PTPRD: variants seen among roughly 807,000 people sequenced by gnomAD.
PTPRD encodes the protein protein tyrosine phosphatase receptor type D, also known as receptor-type tyrosine-protein phosphatase delta.
Under a neutral mutation model 214.5 loss-of-function variants are expected in PTPRD, and 34 were observed. The ratio of observed to expected loss-of-function variants is 0.16; its 90% CI spans 0.12 to 0.21. The LOEUF (loss-of-function observed/expected upper bound fraction) is 0.21, where lower values mean the gene tolerates loss of function less well. Ranked by LOEUF, PTPRD falls within the 10% of genes least tolerant of loss-of-function variation. PTPRD has a pLI of 1.00. For missense variants in PTPRD, 2,545 were observed against 2,398.7 expected, an observed-to-expected ratio of 1.06 and a Z score of -1.27; for synonymous variants, 1,128 against 845.7, an observed-to-expected ratio of 1.33 and a Z score of -5.79.
At chr9:10,049,800 A>C (rs1041051842) in intron 3 of PTPRD, among the ~76,000 whole-genome samples, 11 of 152,146 alleles carry the variant, frequency 7.2e-5, no homozygotes, top group African/African-American at 2.4e-4. Context: ...GATGAGTAGA[A>C]ATGCTTGTAG....
chr9:9,335,983 A>T (rs1440043370), intron 9 of PTPRD, among the ~76,000 whole-genome samples: 6 of 152,134 alleles, frequency 3.9e-5, no homozygotes, highest in Admixed American at 3.9e-4. Context: ...AAAAAGAAAG[A>T]AAGAAATCTA....
At chr9:8,533,895 A>G (rs1564131688) in intron 14 of PTPRD, among the ~76,000 whole-genome samples, 1 of 151,994 alleles carries the variant, frequency 6.6e-6, no homozygotes, top group Non-Finnish European at 1.5e-5. Context: ...CCATTCCTCA[A>G]TGCCACTCAC....
intron 9 of PTPRD, among the ~76,000 whole-genome samples, chr9:9,380,680 G>C (rs1015825487): frequency 2.0e-5 from 3 of 152,116 alleles, no homozygotes; most frequent in Admixed American, 6.6e-5. Context: ...AGTGTCTATA[G>C]ATGCCAATTA....
intron 2 of PTPRD, among the ~76,000 whole-genome samples, chr9:10,413,368 T>C (rs1205090998): frequency 1.3e-5 from 2 of 151,722 alleles, no homozygotes; most frequent in East Asian, 2.0e-4. Flanking sequence ...AATTGCCATG[T>C]AAATAACAAA....
intron 2 of PTPRD, among the ~76,000 whole-genome samples, chr9:10,456,096 C>T (rs2098915041): frequency 6.6e-6 from 1 of 151,776 alleles, no homozygotes; most frequent in African/African-American, 2.4e-5. Flanking sequence ...AGATGAAATA[C>T]ACAGATAGTT....
At chr9:8,451,519 A>C (rs2133609431) in intron 33 of PTPRD, among the ~76,000 whole-genome samples, 1 of 152,324 alleles carries the variant, frequency 6.6e-6, no homozygotes, top group South Asian at 2.1e-4. Context: ...AAAGGAGGAC[A>C]TGATGGCCAG....
At chr9:9,322,104 A>G (rs1205860056) in intron 9 of PTPRD, among the ~76,000 whole-genome samples, 2 of 152,226 alleles carry the variant, frequency 1.3e-5, no homozygotes, top group African/African-American at 4.8e-5. Flanking sequence ...CTCTAAGTGT[A>G]CAGGCAAAAC....
chr9:9,326,595 T>C (rs951938645), intron 9 of PTPRD, among the ~76,000 whole-genome samples: 4 of 151,560 alleles, frequency 2.6e-5, no homozygotes, highest in African/African-American at 9.7e-5. Context: ...GAATATAAAT[T>C]ACCATAAAAC....
chr9:8,467,923 T>C (rs1268008820), intron 31 of PTPRD, among the ~76,000 whole-genome samples: 1 of 151,994 alleles, frequency 6.6e-6, no homozygotes, highest in Non-Finnish European at 1.5e-5. Context: ...GAACAGTTTT[T>C]GAAGCTGGGT....
intron 9 of PTPRD, among the ~76,000 whole-genome samples, chr9:9,382,512 C>G (rs1223954654): frequency 2.0e-5 from 3 of 151,986 alleles, no homozygotes; most frequent in Non-Finnish European, 4.4e-5. Flanking sequence ...AGAAACTGGG[C>G]AAAGGGCTTG....
chr9:9,918,036 T>C (rs1602078366), intron 5 of PTPRD, among the ~76,000 whole-genome samples: 1 of 152,028 alleles, frequency 6.6e-6, no homozygotes, highest in African/African-American at 2.4e-5. Flanking sequence ...TTATTACACA[T>C]AGTATTCGAA....
intron 43 of PTPRD, among the ~76,000 whole-genome samples, chr9:8,336,445 A>C (rs1335192526): frequency 7.4e-6 from 1 of 135,174 alleles, no homozygotes; most frequent in African/African-American, 2.7e-5. Flanking sequence ...AAATTAACTC[A>C]AGATGGATTA....
intron 12 of PTPRD, among the ~76,000 whole-genome samples, chr9:8,665,655 C>T (rs1183376269): frequency 1.3e-5 from 2 of 152,146 alleles, no homozygotes; most frequent in Admixed American, 6.6e-5. Flanking sequence ...TGTTTTCCTG[C>T]TTTTCCTATT....
At chr9:10,569,188 C>T (rs1171072894) in intron 2 of PTPRD, among the ~76,000 whole-genome samples, 1 of 152,070 alleles carries the variant, frequency 6.6e-6, no homozygotes, top group African/African-American at 2.4e-5. Flanking sequence ...CATCACTGGC[C>T]ATCAGAGAAA....
intron 36 of PTPRD, 59 bp from the exon 37 acceptor site, chr9:8,389,466 G>C (rs1327273392): frequency 7.5e-7 from 1 of 1,334,172 alleles, no homozygotes; most frequent in South Asian, 1.4e-5. Flanking sequence ...AAACAGCCTG[G>C]GACATGACCT....
At chr9:9,011,788 C>A (rs549583668) in intron 11 of PTPRD, among the ~76,000 whole-genome samples, 1 of 152,244 alleles carries the variant, frequency 6.6e-6, no homozygotes, top group South Asian at 2.1e-4. Context: ...GTTAGGATTT[C>A]AGGGAAGGCC....
chr9:10,102,320 AC>A (rs2098558492), intron 3 of PTPRD, among the ~76,000 whole-genome samples: 1 of 151,768 alleles, frequency 6.6e-6, no homozygotes, highest in African/African-American at 2.4e-5. Flanking sequence ...ATTTGATGAA[AC>A]ATTCCTCCTG....
intron 4 of PTPRD, among the ~76,000 whole-genome samples, chr9:9,978,556 T>C (rs1263431220): frequency 6.6e-6 from 1 of 152,004 alleles, no homozygotes; most frequent in Non-Finnish European, 1.5e-5. Context: ...AGCAGAGCAT[T>C]AAGAGGCATG....
At chr9:10,067,206 G>C (rs1220448367) in intron 3 of PTPRD, among the ~76,000 whole-genome samples, 1 of 151,782 alleles carries the variant, frequency 6.6e-6, no homozygotes. Flanking sequence ...AAATCCACAG[G>C]TCCTTTGGAG....
Sources: allele counts gnomAD v4.1 joint callset (sites outside exome capture counted in the v4.1 genomes callset), GRCh38; gene constraint gnomAD v4.1.1; transcripts MANE v1.5; gene names NCBI Gene and HGNC (gene_info 2026-07-23, HGNC 2026-07-21).